The following RCAN2 variants were observed in gnomAD, a reference collection of about 807,000 sequenced individuals.
The protein encoded by RCAN2 is regulator of calcineurin 2.
In RCAN2, 9 loss-of-function variants were observed where a neutral mutation model predicts 23.6. The ratio of observed to expected loss-of-function variants is 0.38; its 90% confidence interval spans 0.23 to 0.67. The LOEUF is 0.67. Ranked by LOEUF, RCAN2 falls within the 30% of genes least tolerant of loss-of-function variation. The pLI, the probability that RCAN2 is intolerant of heterozygous loss-of-function variation, is 0.51. For missense variants in RCAN2, 273 were observed against 302.3 expected (o/e 0.90, Z 0.72); for synonymous variants, 109 against 115.7 (o/e 0.94, Z 0.37).
In RCAN2 at chr6:46,223,676, G is replaced by C. The variant is rs768656987; in HGVS notation, c.572-375C>G. Among the ~76,000 whole-genome samples, 9 of 152,122 alleles carry C rather than the reference G, an allele frequency of 5.9e-5. 1 individual carries two copies. Among genetic ancestry groups the C allele is most frequent in the South Asian group, 4.1e-4 (2 of 4,824 alleles). On this transcript the variant is annotated intron_variant, in intron 4 of 4. Coordinates refer to ENST00000371374, the MANE Select transcript of RCAN2 (RefSeq NM_001251974.2). ...TTGCTGCTAGTTTTTGAGCAACCTT[G>C]GGCCAATCACTTCACTTCTTTATCT...
chr6:46,329,555 A>G (rs1221849325), intron 2 of RCAN2, among the ~76,000 whole-genome samples: 2 of 152,150 alleles, frequency 1.3e-5, no homozygotes, highest in Non-Finnish European at 2.9e-5. Flanking sequence ...AAATACACAA[A>G]TGAATCTAAA....
rs563197856 is a variant in RCAN2 at position 46,467,175 on chromosome 6, C to T, written c.-2-10197G>A. On this transcript the variant is annotated intron_variant, in intron 1 of 4. Coordinates refer to ENST00000371374, the MANE Select transcript of RCAN2 (RefSeq NM_001251974.2). ...AGCGCAGGAGCTGTGTCTTACCTGC[C>T]TGCATAACTCTTGTAGCTACTAAAC... is the stretch of plus-strand genomic sequence containing the variant. 6.6e-5 allele frequency among the ~76,000 whole-genome samples: 10 copies of T among 152,302 alleles called. No individual in the cohort carries two copies. In the East Asian group the frequency reaches 1.9e-3, roughly 29 times the overall value.
chr6:46,436,360 G>A (rs991998561), intron 2 of RCAN2, among the ~76,000 whole-genome samples: 3 of 152,148 alleles, frequency 2.0e-5, no homozygotes, highest in Non-Finnish European at 2.9e-5. Flanking sequence ...TTACAGGCGC[G>A]TGCCAGCATG....
intron 1 of RCAN2, among the ~76,000 whole-genome samples, chr6:46,467,053 A>G (rs752460259): frequency 2.4e-4 from 36 of 152,090 alleles, no homozygotes; most frequent in Non-Finnish European, 2.6e-4. Flanking sequence ...TTCCCCAGTT[A>G]CTGATTGCTA....
intron 2 of RCAN2, among the ~76,000 whole-genome samples, chr6:46,256,105 C>T (rs1012922221): frequency 6.6e-6 from 1 of 152,092 alleles, no homozygotes; most frequent in African/African-American, 2.4e-5. Flanking sequence ...CACGGTAGCT[C>T]ACGCCTGTAA....
chr6:46,318,103 G>A (rs1763499575), intron 2 of RCAN2, among the ~76,000 whole-genome samples: 1 of 152,210 alleles, frequency 6.6e-6, no homozygotes, highest in Non-Finnish European at 1.5e-5. Flanking sequence ...TTGTCACCAT[G>A]TGGTGACATG....
At chr6:46,320,520 C>G (rs1763579924) in intron 2 of RCAN2, among the ~76,000 whole-genome samples, 1 of 152,184 alleles carries the variant, frequency 6.6e-6, no homozygotes, top group Non-Finnish European at 1.5e-5. Flanking sequence ...CAAATAGACT[C>G]TGACTCAGTC....
At chr6:46,229,075 T>C (rs1562092752) in intron 4 of RCAN2, among the ~76,000 whole-genome samples, 1 of 152,170 alleles carries the variant, frequency 6.6e-6, no homozygotes, top group Non-Finnish European at 1.5e-5. Context: ...AATTCTTCTC[T>C]TTAAGAATGT....
intron 1 of RCAN2, among the ~76,000 whole-genome samples, chr6:46,459,214 A>G (rs1768143381): frequency 6.6e-6 from 1 of 152,216 alleles, no homozygotes; most frequent in African/African-American, 2.4e-5. Flanking sequence ...CTCTTTTGAT[A>G]ATGAAGTCAT....
At chr6:46,297,869 G>A (rs1016606344) in intron 2 of RCAN2, among the ~76,000 whole-genome samples, 11 of 152,126 alleles carry the variant, frequency 7.2e-5, no homozygotes, top group African/African-American at 2.4e-4. Context: ...AGGCCCAAAC[G>A]TTTTATAGAG....
At chr6:46,382,801 C>T (rs531267779) in intron 2 of RCAN2, among the ~76,000 whole-genome samples, 18 of 152,136 alleles carry the variant, frequency 1.2e-4, no homozygotes, top group South Asian at 6.2e-4. Flanking sequence ...AACAGAAAAC[C>T]GGTTTGTTTG....
intron 2 of RCAN2, among the ~76,000 whole-genome samples, chr6:46,353,838 A>C (rs1764741436): frequency 6.6e-6 from 1 of 152,192 alleles, no homozygotes. Context: ...CAATTTTATA[A>C]ACATAATTAT....
intron 2 of RCAN2, among the ~76,000 whole-genome samples, chr6:46,258,727 T>A (rs1767006238): frequency 6.6e-6 from 1 of 152,204 alleles, no homozygotes; most frequent in African/African-American, 2.4e-5. Flanking sequence ...TGTGGCTGAA[T>A]AACATTGCTA....
intron 2 of RCAN2, among the ~76,000 whole-genome samples, chr6:46,379,472 G>T (rs1056077595): frequency 5.3e-5 from 8 of 152,132 alleles, no homozygotes; most frequent in African/African-American, 1.7e-4. Context: ...GAATTGGGAA[G>T]GTTTTTAAAA....
At chr6:46,270,495 A>C (rs973301293) in intron 2 of RCAN2, among the ~76,000 whole-genome samples, 1 of 152,142 alleles carries the variant, frequency 6.6e-6, no homozygotes, top group Non-Finnish European at 1.5e-5. Flanking sequence ...CTCGTCAACC[A>C]GTGATGTGTA....
intron 2 of RCAN2, among the ~76,000 whole-genome samples, chr6:46,335,311 T>C (rs1270844841): frequency 1.3e-5 from 2 of 152,212 alleles, no homozygotes; most frequent in African/African-American, 4.8e-5. Flanking sequence ...AGTGATGCCC[T>C]GTCCTGCCAT....
intron 1 of RCAN2, among the ~76,000 whole-genome samples, chr6:46,472,155 A>G (rs746421623): frequency 5.6e-4 from 85 of 152,216 alleles, no homozygotes; most frequent in Non-Finnish European, 1.1e-3. Context: ...CTCTCAAATC[A>G]ACACTCCTGT....
intron 2 of RCAN2, among the ~76,000 whole-genome samples, chr6:46,326,665 C>T (rs976350017): frequency 2.6e-5 from 4 of 152,350 alleles, no homozygotes; most frequent in East Asian, 1.9e-4. Flanking sequence ...CCCAGTAGAA[C>T]TCACTAACAT....
chr6:46,338,170 C>T (rs775977286), intron 2 of RCAN2, among the ~76,000 whole-genome samples: 2 of 152,178 alleles, frequency 1.3e-5, no homozygotes, highest in African/African-American at 2.4e-5. Context: ...GTGGCTCTTA[C>T]AGAGTTAACA....
Sources: gnomAD v4.1 joint callset for allele counts (sites outside exome capture counted in the v4.1 genomes callset) on GRCh38, gnomAD v4.1.1 for gene constraint, MANE v1.5 for transcripts, NCBI Gene and HGNC (gene_info 2026-07-23, HGNC 2026-07-21) for gene names.